Variants in CHSY3 observed in about 807,000 individuals in gnomAD.
CHSY3 encodes the protein chondroitin sulfate synthase 3, also known as N-acetylgalactosaminyl-proteoglycan 3-beta-glucuronosyltransferase 3.
CHSY3 carries 35 observed loss-of-function variants against 67.2 expected under a neutral mutation model. That is an observed-to-expected ratio of 0.52 (90% CI 0.40 to 0.69). CHSY3 has a LOEUF of 0.69. Among genes scored for constraint, CHSY3 ranks in the 30% least tolerant of loss-of-function variants. The pLI, the probability that CHSY3 is intolerant of heterozygous loss-of-function variation, is 0.00. For synonymous variants in CHSY3, 474 were observed against 434.7 expected, an observed-to-expected ratio of 1.09 and a Z score of -1.12; for missense variants, 1,069 against 1,138.5, an observed-to-expected ratio of 0.94 and a Z score of 0.88.
chr5:130,055,022 G>A (rs1385853898), intron 2 of CHSY3, among the ~76,000 whole-genome samples: 1 of 152,106 alleles, frequency 6.6e-6, no homozygotes, highest in East Asian at 1.9e-4. Context: ...TGGAGGTGGA[G>A]GACTCCCTGG....
At chr5:130,159,006 G>T (rs1769449610) in intron 2 of CHSY3, among the ~76,000 whole-genome samples, 1 of 151,996 alleles carries the variant, frequency 6.6e-6, no homozygotes, top group South Asian at 2.1e-4. Flanking sequence ...TCACCATGTT[G>T]CCCAGTCTGT....
At chr5:129,948,049 T>A (rs1761911484) in intron 2 of CHSY3, among the ~76,000 whole-genome samples, 1 of 152,204 alleles carries the variant, frequency 6.6e-6, no homozygotes, top group Non-Finnish European at 1.5e-5. Context: ...TTTCTCCAAT[T>A]CTATAGGTTG....
chr5:129,974,443 C>G (rs189285109), intron 2 of CHSY3, among the ~76,000 whole-genome samples: 21 of 152,192 alleles, frequency 1.4e-4, no homozygotes, highest in Admixed American at 1.2e-3. Context: ...CCCCCAGTGC[C>G]CTTAATATAG....
At chr5:129,973,837 A>G (rs1040014613) in intron 2 of CHSY3, among the ~76,000 whole-genome samples, 1 of 152,118 alleles carries the variant, frequency 6.6e-6, no homozygotes, top group East Asian at 1.9e-4. Context: ...CCCAGACTCC[A>G]TAGCAACATC....
intron 2 of CHSY3, among the ~76,000 whole-genome samples, chr5:130,020,461 A>ATATATATATATTTT (rs1371121130): frequency 6.3e-5 from 5 of 79,864 alleles, no homozygotes; most frequent in Admixed American, 1.5e-4. Context: ...ATATATATAT[A>ATATATATATATTTT]TTTTTTTTTT....
At chr5:129,980,832 A>G (rs1290251054) in intron 2 of CHSY3, among the ~76,000 whole-genome samples, 1 of 152,052 alleles carries the variant, frequency 6.6e-6, no homozygotes, top group African/African-American at 2.4e-5. Flanking sequence ...ATGTTTTCGT[A>G]TGTGGATGTC....
At chr5:130,022,026 T>C (rs1263107856) in intron 2 of CHSY3, among the ~76,000 whole-genome samples, 1 of 152,046 alleles carries the variant, frequency 6.6e-6, no homozygotes, top group Non-Finnish European at 1.5e-5. Context: ...ATTAGGTCAT[T>C]TGCTGGGAAG....
chr5:129,910,158 A>C lies in CHSY3; in HGVS notation c.1086+1798A>C, dbSNP rs560711490. Among the ~76,000 whole-genome samples, 18 of 152,110 alleles carry C rather than the reference A, an allele frequency of 1.2e-4. 1 individual carries two copies. Among genetic ancestry groups the C allele is most frequent in the African/African-American group, 4.1e-4 (17 of 41,562 alleles). Reference sequence around the variant, plus strand: ...TATATTATAGATGTGCACCCTGTCTATTAGAATAAGTGCAATCTTAGATCC... The same window carrying C: ...TATATTATAGATGTGCACCCTGTCTCTTAGAATAAGTGCAATCTTAGATCC... On this transcript the variant is annotated intron_variant, in intron 2 of 2. Transcript: ENST00000305031.
chr5:130,054,822 T>C (rs1765476724), intron 2 of CHSY3, among the ~76,000 whole-genome samples: 1 of 152,136 alleles, frequency 6.6e-6, no homozygotes, highest in African/African-American at 2.4e-5. Context: ...GTTATGTGAG[T>C]GGTTAGGCTG....
chr5:130,080,696 C>T (rs1323293686), intron 2 of CHSY3, among the ~76,000 whole-genome samples: 1 of 151,938 alleles, frequency 6.6e-6, no homozygotes, highest in Non-Finnish European at 1.5e-5. Context: ...AGAGAAAAAG[C>T]CTGAGTGGAT....
At chr5:130,158,247 C>G (rs115641964) in intron 2 of CHSY3, among the ~76,000 whole-genome samples, 1 of 152,130 alleles carries the variant, frequency 6.6e-6, no homozygotes, top group African/African-American at 2.4e-5. Context: ...AAGATGGAGT[C>G]GCTCTGGTTC....
At chr5:129,991,885 A>G (rs1044512688) in intron 2 of CHSY3, among the ~76,000 whole-genome samples, 33 of 152,200 alleles carry the variant, frequency 2.2e-4, no homozygotes, top group Non-Finnish European at 1.5e-5. Context: ...TTCAGGGAAC[A>G]TGAAGTTGCT....
intron 2 of CHSY3, among the ~76,000 whole-genome samples, chr5:129,969,712 A>G (rs1762582865): frequency 6.6e-6 from 1 of 151,804 alleles, no homozygotes; most frequent in Non-Finnish European, 1.5e-5. Flanking sequence ...CCGATCTTAA[A>G]TAGGTTTATC....
At chr5:129,933,217 C>CT (rs1335036631) in intron 2 of CHSY3, among the ~76,000 whole-genome samples, 3 of 152,150 alleles carry the variant, frequency 2.0e-5, no homozygotes, top group African/African-American at 7.2e-5. Flanking sequence ...GGTGCAAACT[C>CT]TGTTAGCCTG....
intron 2 of CHSY3, among the ~76,000 whole-genome samples, chr5:129,946,727 A>G (rs1269674403): frequency 6.6e-6 from 1 of 152,146 alleles, no homozygotes; most frequent in African/African-American, 2.4e-5. Flanking sequence ...AATGTCCTCC[A>G]GGTTCATCCA....
At chr5:130,091,242 T>C (rs1052996132) in intron 2 of CHSY3, among the ~76,000 whole-genome samples, 1 of 152,154 alleles carries the variant, frequency 6.6e-6, no homozygotes, top group African/African-American at 2.4e-5. Flanking sequence ...AGTATGTAAT[T>C]ATCCCAAGTG....
intron 2 of CHSY3, among the ~76,000 whole-genome samples, chr5:129,947,803 C>CA (rs1446301009): frequency 8.5e-5 from 13 of 152,070 alleles, no homozygotes; most frequent in Admixed American, 8.5e-4. Flanking sequence ...TGATAATAGC[C>CA]ATCTTAACAA....
At chr5:130,101,422 TATGTCAGTTA>T (rs1388749982) in intron 2 of CHSY3, among the ~76,000 whole-genome samples, 2 of 152,152 alleles carry the variant, frequency 1.3e-5, no homozygotes, top group African/African-American at 4.8e-5. Context: ...AAGATATGAT[TATGTCAGTTA>T]AGACTATAAG....
chr5:129,937,845 G>A (rs2149592493), intron 2 of CHSY3, among the ~76,000 whole-genome samples: 1 of 152,254 alleles, frequency 6.6e-6, no homozygotes, highest in Non-Finnish European at 1.5e-5. Flanking sequence ...ACTGATGCAA[G>A]GGTTGGGCTC....
Sources: allele counts gnomAD v4.1 joint callset (sites outside exome capture counted in the v4.1 genomes callset), GRCh38; gene constraint gnomAD v4.1.1; transcripts MANE v1.5; gene names NCBI Gene and HGNC (gene_info 2026-07-23, HGNC 2026-07-21).